The following ZNF770 variants were observed in gnomAD, a reference collection of about 807,000 sequenced individuals.
The protein encoded by ZNF770 is zinc finger protein 770.
Under a neutral mutation model 44.8 loss-of-function variants are expected in ZNF770, and 13 were observed. That is an observed-to-expected ratio of 0.29 (90% confidence interval 0.19 to 0.46). ZNF770 has a LOEUF of 0.46. Ranked by LOEUF, ZNF770 falls within the 20% of genes least tolerant of loss-of-function variation. ZNF770 has a pLI of 1.00. For missense variants in ZNF770, 681 were observed against 797.9 expected, an observed-to-expected ratio of 0.85 and a Z score of 1.77; for synonymous variants, 304 against 271.8, an observed-to-expected ratio of 1.12 and a Z score of -1.17.
At position 34,981,287 on chromosome 15, in the gene ZNF770, A is replaced by T; in HGVS notation, c.*72T>A. ...AGTTTAATGCAGGCCTTTCAATAAAAATGCATTTTAAATAATACAGGCTTT... is the reference window on the plus strand; with the variant it reads ...AGTTTAATGCAGGCCTTTCAATAAATATGCATTTTAAATAATACAGGCTTT... On this transcript the variant is annotated 3_prime_UTR_variant, in exon 3 of 3. Coordinates refer to ENST00000356321, the MANE Select transcript of ZNF770 (RefSeq NM_014106.4). The T allele has an allele frequency of 7.0e-7, 1 of 1,432,800 alleles. No homozygotes were observed. Among genetic ancestry groups the T allele is most frequent in the Non-Finnish European group, 9.2e-7 (1 of 1,087,070 alleles). The allele number at this position is 1,432,800 out of a possible 1,614,324, so 88.8% of individuals were successfully genotyped here.
intron 2 of ZNF770, among the ~76,000 whole-genome samples, chr15:34,983,953 T>C (rs1566798915): frequency 6.6e-6 from 1 of 152,094 alleles, no homozygotes; most frequent in Non-Finnish European, 1.5e-5. Context: ...GAATAGAACA[T>C]TTCACTTATC....
rs981769332 is a variant in ZNF770 at position 34,978,636 on chromosome 15, A to G, written c.*2723T>C. 1 of 152,250 alleles carries G rather than the reference A, an allele frequency of 6.6e-6. No homozygotes were observed. Among genetic ancestry groups the G allele is most frequent in the Non-Finnish European group, 1.5e-5 (1 of 68,050 alleles). 9.4% of individuals were successfully genotyped at this position (152,250 alleles called of 1,614,324 possible). ...TTGATTCAACAATACTAACAGTTCT[A>G]GCATGCAACAAACCATCTACTATCT... On this transcript the variant is annotated 3_prime_UTR_variant, in exon 3 of 3. Transcript: ENST00000356321.
rs1336891291 is a variant in ZNF770, at chr15:34,979,821, T to C, written c.*1538A>G. ...TTCAGCTTAGAAACATAACGGTTCA[T>C]TCCTTTTATTGCTAGAGAATGTCAT... On this transcript the variant is annotated 3_prime_UTR_variant, in exon 3 of 3. Transcript: ENST00000356321. 6 of 327,272 alleles carry C rather than the reference T, an allele frequency of 1.8e-5. No individual in the cohort carries two copies. Among genetic ancestry groups the C allele is most frequent in the Non-Finnish European group, 3.7e-5 (6 of 163,378 alleles). 20.3% of individuals were successfully genotyped at this position (327,272 alleles called of 1,614,324 possible).
In ZNF770 at chr15:34,981,262, A is replaced by C; in HGVS notation, c.*97T>G. ...CAAGCAAATGCCTGTGAAACCATTC[A>C]GTTTAATGCAGGCCTTTCAATAAAA... On this transcript the variant is annotated 3_prime_UTR_variant, in exon 3 of 3. Coordinates refer to ENST00000356321, the MANE Select transcript of ZNF770 (RefSeq NM_014106.4). The C allele has an allele frequency of 8.2e-7, 1 of 1,223,968 alleles. No individual in the cohort carries two copies. Among genetic ancestry groups the C allele is most frequent in the Non-Finnish European group, 1.1e-6 (1 of 906,248 alleles). The allele number at this position is 1,223,968 out of a possible 1,614,324, so 75.8% of individuals were successfully genotyped here. A position where few individuals can be genotyped will look rare whatever the true frequency, so the allele number is the denominator to read the frequency against.
rs1317964468 is a variant in ZNF770, at chr15:34,980,784, A to G, written c.*575T>C. ...GAGTGAGACTCCATCTCAAAAAAAA[A>G]GACCAATGAAAATAATACTATAATT... is the stretch of plus-strand genomic sequence containing the variant. On this transcript the variant is annotated 3_prime_UTR_variant, in exon 3 of 3. Coordinates refer to ENST00000356321, the MANE Select transcript of ZNF770 (RefSeq NM_014106.4). The G allele has an allele frequency of 6.6e-6, 1 of 152,186 alleles. No individual in the cohort carries two copies. The highest frequency in any genetic ancestry group is 6.6e-5 in the Admixed American group (1 of 15,254). The allele number at this position is 152,186 out of a possible 1,614,324, so 9.4% of individuals were successfully genotyped here.
chr15:34,979,448 A>C lies in ZNF770; in HGVS notation c.*1911T>G. On this transcript the variant is annotated 3_prime_UTR_variant, in exon 3 of 3. Coordinates refer to ENST00000356321, the MANE Select transcript of ZNF770 (RefSeq NM_014106.4). The stretch of plus-strand genomic sequence containing the variant: ...TATCTTGCTTGCACTGGAGGAACAT[A>C]TCTCAAGGAAACCTAAGAGAAAGTG... The C allele has an allele frequency of 3.8e-6, 1 of 260,766 alleles. No individual in the cohort carries two copies. The highest frequency in any genetic ancestry group is 3.3e-5 in the South Asian group (1 of 29,966). The allele number at this position is 260,766 out of a possible 1,614,324, so 16.2% of individuals were successfully genotyped here. A position where few individuals can be genotyped will look rare whatever the true frequency, so the allele number is the denominator to read the frequency against.
chr15:34,982,410 T>C lies in ZNF770; in HGVS notation c.1025A>G (p.Lys342Arg). Residue 342 changes from lysine to arginine, a missense_variant, in exon 3 of 3, where the codon AAG becomes AGG. Physicochemically the swap from Lys to Arg is conservative, Grantham distance 26 (BLOSUM62 2). Around this residue, in one of 5 missense-constraint regions of ZNF770, gnomAD observed 432 missense variants for 434.1 expected, o/e 1.00. Coordinates refer to ENST00000356321, the MANE Select transcript of ZNF770 (RefSeq NM_014106.4). ...YKTIVKKILA[K>R]LKRARSKKLD... is the part of the protein sequence containing the mutation. ...TTTTTTACTCCTAGCACGCTTAAGC[T>C]TGGCCAAGATTTTTTTAACAATGGT... 6.2e-7 allele frequency: 1 copy of C among 1,613,390 alleles called. No individual in the cohort carries two copies. The highest frequency in any genetic ancestry group is 8.5e-7 in the Non-Finnish European group (1 of 1,179,614).
At position 34,983,120 on chromosome 15, in the gene ZNF770, T is replaced by G. The variant is rs2050413902; in HGVS notation, c.315A>C (p.Glu105Asp). ...CCTGTTTAACATTATTCTGATAGGT[T>G]TCATTGTGAAGTTGTTGGTGCTTCA... is the stretch of plus-strand genomic sequence containing the variant. The part of the protein sequence containing the change: ...TFVKHQQLHN[E>D]TYQNNVKQVR... Residue 105 changes from glutamate to aspartate, a missense_variant, in exon 3 of 3, where the codon GAA becomes GAC. By Grantham distance (45) the Glu-to-Asp change is conservative. This residue lies in a region of ZNF770 where 432 missense variants were observed against 434.1 expected (regional missense o/e 1.00). Coordinates refer to ENST00000356321, the MANE Select transcript of ZNF770 (RefSeq NM_014106.4). 6.2e-7 allele frequency: 1 copy of G among 1,613,994 alleles called. No homozygotes were observed. Among genetic ancestry groups the G allele is most frequent in the African/African-American group, 1.3e-5 (1 of 74,950 alleles).
chr15:34,985,843 G>A (rs1012335469), intron 2 of ZNF770, among the ~76,000 whole-genome samples: 2 of 151,822 alleles, frequency 1.3e-5, no homozygotes, highest in Non-Finnish European at 2.9e-5. Context: ...GCAGTGAGCC[G>A]CCAAGATTGC....
chr15:34,986,637 A>G (rs2050436002), intron 2 of ZNF770, among the ~76,000 whole-genome samples: 1 of 152,224 alleles, frequency 6.6e-6, no homozygotes, highest in African/African-American at 2.4e-5. Context: ...TCTACTAAAT[A>G]CAAGGACACT....
At chr15:34,985,656 A>C (rs2050429604) in intron 2 of ZNF770, among the ~76,000 whole-genome samples, 1 of 152,170 alleles carries the variant, frequency 6.6e-6, no homozygotes, top group Non-Finnish European at 1.5e-5. Flanking sequence ...GCACTTTGTG[A>C]GGCCGAGGCA....
chr15:34,981,734 T>C lies in ZNF770; in HGVS notation c.1701A>G (p.Gln567=). The change falls in exon 3 of 3, where the codon CAA becomes CAG. Residue 567 remains glutamine, a synonymous_variant. Transcript: ENST00000356321. The stretch of plus-strand genomic sequence containing the variant: ...GATCTGACTCTGAGACCTCGTATTT[T>C]TGAACACCAGGAGCCTGACATTGTT... ...ASQQCQAPGV[Q]KYEVSESDQM... 3 of 1,614,138 alleles carry C rather than the reference T, an allele frequency of 1.9e-6. No homozygotes were observed. The highest frequency in any genetic ancestry group is 2.5e-6 in the Non-Finnish European group (3 of 1,180,044).
chr15:34,979,163 CACTT>C lies in ZNF770; in HGVS notation c.*2192_*2195del, dbSNP rs2050385109. 1 of 152,980 alleles carries C rather than the reference CACTT, an allele frequency of 6.5e-6. No individual in the cohort carries two copies. The highest frequency in any genetic ancestry group is 2.4e-5 in the African/African-American group (1 of 41,420). 9.5% of individuals were successfully genotyped at this position (152,980 alleles called of 1,614,324 possible). A position where few individuals can be genotyped will look rare whatever the true frequency, so the allele number is the denominator to read the frequency against. ...GGTCAAAAATAAAGTATAGTAGTAT[CACTT>C]ACGCAAATAAAGTCTCAGAATCATA... On this transcript the variant is annotated 3_prime_UTR_variant, in exon 3 of 3. Transcript: ENST00000356321.
Position 34,981,589 on chromosome 15 carries a change from G to A in ZNF770, c.1846C>T (p.His616Tyr). The change falls in exon 3 of 3, where the codon CAT (histidine) becomes TAT (tyrosine). Residue 616 changes from histidine to tyrosine, a missense_variant. This residue lies in a region of ZNF770 where 148 missense variants were observed against 191.0 expected (regional missense o/e 0.77). Transcript: ENST00000356321. ...QSNPFCSYSE[H>Y]QEKNDVFLYR... ...AGGAAGACATCATTTTTCTCCTGATGCTCTGAATAACTGCAAAAAGGATTG... is the reference window on the plus strand; with the variant it reads ...AGGAAGACATCATTTTTCTCCTGATACTCTGAATAACTGCAAAAAGGATTG... 6.2e-7 allele frequency: 1 copy of A among 1,614,160 alleles called. No individual in the cohort carries two copies. The highest frequency in any genetic ancestry group is 8.5e-7 in the Non-Finnish European group (1 of 1,180,044).
intron 2 of ZNF770, 92 bp downstream of exon 2, chr15:34,987,465 A>C (rs1348783487): frequency 2.0e-5 from 3 of 152,242 alleles, no homozygotes; most frequent in Non-Finnish European, 2.9e-5. Flanking sequence ...GAAATAAAAG[A>C]ATAGTAGATC....
At position 34,982,292 on chromosome 15, in the gene ZNF770, G is replaced by C. The variant is rs765765184; in HGVS notation, c.1143C>G (p.Thr381=). The change falls in exon 3 of 3, where the codon ACC becomes ACG. Residue 381 remains threonine, a synonymous_variant. Transcript: ENST00000356321. The part of the protein sequence containing the change: ...LISGEQSSEQ[T]QRTFVGSLGK... ...CAAGAGAACCCACAAATGTTCTCTG[G>C]GTTTGTTCAGAGCTCTGCTCACCAG... 1.2e-6 allele frequency: 2 copies of C among 1,613,662 alleles called. No individual in the cohort carries two copies. The highest frequency in any genetic ancestry group is 1.7e-6 in the Non-Finnish European group (2 of 1,179,882).
intron 2 of ZNF770, among the ~76,000 whole-genome samples, chr15:34,987,017 G>A (rs1433404559): frequency 1.3e-5 from 2 of 152,254 alleles, no homozygotes; most frequent in Non-Finnish European, 1.5e-5. Context: ...ATTGTCCAAT[G>A]TCAGGACTGA....
rs1458533449 is a variant in ZNF770 at position 34,982,130 on chromosome 15, C to A, written c.1305G>T (p.Val435=). The A allele has an allele frequency of 6.2e-7, 1 of 1,613,984 alleles. No individual in the cohort carries two copies. ...TENILSIDNS[V]NKKDLSICGS... The stretch of plus-strand genomic sequence containing the variant: ...CACAGATTGACAAGTCTTTCTTATT[C>A]ACTGAATTATCAATGCTTAATATGT... Residue 435 remains valine, a synonymous_variant, in exon 3 of 3, where the codon GTG becomes GTT. Coordinates refer to ENST00000356321, the MANE Select transcript of ZNF770 (RefSeq NM_014106.4).
In ZNF770 at chr15:34,979,674, T is replaced by C. The variant is rs1401577487; in HGVS notation, c.*1685A>G. 2.3e-5 allele frequency: 10 copies of C among 441,118 alleles called. No homozygotes were observed. Among genetic ancestry groups the C allele is most frequent in the African/African-American group, 6.2e-5 (3 of 48,394 alleles). 27.3% of individuals were successfully genotyped at this position (441,118 alleles called of 1,614,324 possible). A position where few individuals can be genotyped will look rare whatever the true frequency, so the allele number is the denominator to read the frequency against. On this transcript the variant is annotated 3_prime_UTR_variant, in exon 3 of 3. Transcript: ENST00000356321. Reference sequence around the variant, plus strand: ...CCTACTATCCCTCCCGCCTCCCCCCTGTCAAAAGAAAGTTCTCAGTTTATG... The same window carrying C: ...CCTACTATCCCTCCCGCCTCCCCCCCGTCAAAAGAAAGTTCTCAGTTTATG...
Sources: gnomAD v4.1 joint callset for allele counts (sites outside exome capture counted in the v4.1 genomes callset) on GRCh38, gnomAD v4.1.1 for gene constraint, gnomAD v4.1.1 regional missense constraint, MANE v1.5 for transcripts, NCBI Gene and HGNC (gene_info 2026-07-23, HGNC 2026-07-21) for gene names.